The following KCNH5 variants were observed in gnomAD, a reference collection of about 807,000 sequenced individuals.
KCNH5 encodes voltage-gated delayed rectifier potassium channel KCNH5.
Under a neutral mutation model 96.1 loss-of-function variants are expected in KCNH5, and 46 were observed. The observed-to-expected ratio is 0.48, with a 90% CI of 0.38 to 0.61. The LOEUF (loss-of-function observed/expected upper bound fraction) is 0.61. KCNH5 is among the 20% of genes least tolerant of loss of function. The pLI, the probability that KCNH5 is intolerant of heterozygous loss-of-function variation, is 0.00. For missense variants in KCNH5, 907 were observed against 1,225.8 expected, an observed-to-expected ratio of 0.74 and a Z score of 3.88; for synonymous variants, 439 against 449.8, an observed-to-expected ratio of 0.98 and a Z score of 0.30.
At chr14:62,929,155 CA>C (rs1485452618) in intron 7 of KCNH5, among the ~76,000 whole-genome samples, 1 of 151,806 alleles carries the variant, frequency 6.6e-6, no homozygotes, top group African/African-American at 2.4e-5. Context: ...ATATATAAAC[CA>C]AAAAAACTCT....
intron 9 of KCNH5, among the ~76,000 whole-genome samples, chr14:62,799,343 G>A (rs940300207): frequency 5.3e-5 from 8 of 151,844 alleles, no homozygotes; most frequent in Admixed American, 1.3e-4. Flanking sequence ...TTGGGAGGCC[G>A]AGGCGGGTGG....
intron 7 of KCNH5, among the ~76,000 whole-genome samples, chr14:62,864,934 T>A (rs1335401087): frequency 6.6e-6 from 1 of 152,148 alleles, no homozygotes; most frequent in Non-Finnish European, 1.5e-5. Context: ...GAGAGGCTGT[T>A]GCCACAATCC....
intron 7 of KCNH5, among the ~76,000 whole-genome samples, chr14:62,869,101 G>A (rs1032123978): frequency 2.0e-5 from 3 of 152,168 alleles, no homozygotes; most frequent in African/African-American, 7.2e-5. Flanking sequence ...AGATCCTTGA[G>A]GAATCACCAC....
At chr14:62,870,627 G>A (rs1292676347) in intron 7 of KCNH5, among the ~76,000 whole-genome samples, 1 of 152,110 alleles carries the variant, frequency 6.6e-6, no homozygotes. Context: ...AAGGCAGTGA[G>A]TATCTTTTAT....
intron 7 of KCNH5, among the ~76,000 whole-genome samples, chr14:62,947,185 C>T (rs554186042): frequency 6.6e-6 from 1 of 152,172 alleles, no homozygotes; most frequent in South Asian, 2.1e-4. Flanking sequence ...TACTTCAAAA[C>T]AAAAAGGTTT....
At chr14:63,039,776 T>A (rs958511865) in intron 1 of KCNH5, among the ~76,000 whole-genome samples, 1 of 152,086 alleles carries the variant, frequency 6.6e-6, no homozygotes, top group Non-Finnish European at 1.5e-5. Context: ...ATTAATATAA[T>A]ACATACCTTT....
At chr14:62,925,114 T>C (rs1000883085) in intron 7 of KCNH5, among the ~76,000 whole-genome samples, 8 of 151,922 alleles carry the variant, frequency 5.3e-5, no homozygotes, top group Admixed American at 2.6e-4. Context: ...TGTGAAAACA[T>C]AAAAATAAAC....
intron 10 of KCNH5, among the ~76,000 whole-genome samples, chr14:62,778,186 C>T (rs1051724412): frequency 6.6e-6 from 1 of 152,134 alleles, no homozygotes; most frequent in African/African-American, 2.4e-5. Flanking sequence ...CCTCGGTATA[C>T]GAGGGGGACT....
intron 7 of KCNH5, among the ~76,000 whole-genome samples, chr14:62,900,977 T>A (rs1888913457): frequency 6.6e-6 from 1 of 152,110 alleles, no homozygotes; most frequent in South Asian, 2.1e-4. Flanking sequence ...AAATGCTTCC[T>A]ATCTTTTTGT....
intron 7 of KCNH5, among the ~76,000 whole-genome samples, chr14:62,858,671 G>C (rs1185096467): frequency 6.6e-6 from 1 of 152,200 alleles, no homozygotes; most frequent in Non-Finnish European, 1.5e-5. Context: ...GGAACAGGAA[G>C]TGAAAATTTT....
intron 8 of KCNH5, among the ~76,000 whole-genome samples, chr14:62,818,109 C>CGG (rs561437417): frequency 0.017 from 627 of 36,082 alleles, 8 homozygotes; most frequent in African/African-American, 0.031. Flanking sequence ...GAGCTGGGGG[C>CGG]GGGGGGGGGG....
chr14:62,731,579 A>G (rs1389709639), intron 10 of KCNH5, among the ~76,000 whole-genome samples: 1 of 152,138 alleles, frequency 6.6e-6, no homozygotes, highest in Non-Finnish European at 1.5e-5. Flanking sequence ...CTTTTGCAAT[A>G]TTTGCTTTAA....
At chr14:62,947,364 A>C (rs1320446544) in intron 7 of KCNH5, among the ~76,000 whole-genome samples, 5 of 152,132 alleles carry the variant, frequency 3.3e-5, no homozygotes, top group African/African-American at 1.2e-4. Context: ...TTAATTAATC[A>C]TCAGCATCTC....
intron 1 of KCNH5, among the ~76,000 whole-genome samples, chr14:63,041,556 C>T (rs1344180893): frequency 6.6e-6 from 1 of 152,088 alleles, no homozygotes; most frequent in Non-Finnish European, 1.5e-5. Flanking sequence ...AACTTTACAA[C>T]TTCTTAGAGT....
intron 7 of KCNH5, among the ~76,000 whole-genome samples, chr14:62,908,780 G>GTCTTTTTTTTT (rs1451340124): frequency 5.1e-5 from 1 of 19,800 alleles, no homozygotes; most frequent in Non-Finnish European, 9.5e-5. Flanking sequence ...ATTTTGCTTT[G>GTCTTTTTTTTT]TATTTTTTTT....
chr14:63,018,132 A>G (rs1237715921), intron 1 of KCNH5, among the ~76,000 whole-genome samples: 1 of 151,982 alleles, frequency 6.6e-6, no homozygotes, highest in Non-Finnish European at 1.5e-5. Context: ...GAAGCAACGG[A>G]AAGTAGGCAC....
At chr14:62,883,073 C>G (rs982137941) in intron 7 of KCNH5, among the ~76,000 whole-genome samples, 2 of 152,182 alleles carry the variant, frequency 1.3e-5, no homozygotes, top group Non-Finnish European at 2.9e-5. Flanking sequence ...ACAGTGGGAA[C>G]TGTTTAATGA....
In KCNH5 at chr14:62,736,437, C is replaced by A. The variant is rs576740688; in HGVS notation, c.2020-27982G>T. Among the ~76,000 whole-genome samples the A allele has an allele frequency of 2.0e-5, 3 of 152,240 alleles. No individual in the cohort carries two copies. The East Asian group carries it at 5.8e-4, about 29-fold the overall frequency. The stretch of plus-strand genomic sequence containing the variant: ...CTGTCTAAATCCAAAGGGCATCAGC[C>A]TGATGGCTAAGGTCAGCATGACCAT... On this transcript the variant is annotated intron_variant, in intron 10 of 10. Coordinates refer to ENST00000322893, the MANE Select transcript of KCNH5 (RefSeq NM_139318.5).
chr14:63,022,532 C>T (rs907939832), intron 1 of KCNH5, among the ~76,000 whole-genome samples: 4 of 152,126 alleles, frequency 2.6e-5, no homozygotes, highest in Admixed American at 6.6e-5. Flanking sequence ...TTTTGGCTCT[C>T]ATAAGACCCA....
Sources: allele counts gnomAD v4.1 joint callset (sites outside exome capture counted in the v4.1 genomes callset), GRCh38; gene constraint gnomAD v4.1.1; transcripts MANE v1.5; gene names NCBI Gene and HGNC (gene_info 2026-07-23, HGNC 2026-07-21).